The following GRM7 variants were observed in gnomAD, a reference collection of about 807,000 sequenced individuals.
GRM7 encodes the protein glutamate metabotropic receptor 7, also known as metabotropic glutamate receptor 7.
A neutral mutation model predicts 84.5 loss-of-function variants in GRM7; 35 were observed. The observed-to-expected ratio is 0.41, with a 90% CI of 0.32 to 0.55. The LOEUF is 0.55. GRM7 is among the 20% of genes least tolerant of loss of function. The pLI is 0.19. For synonymous variants in GRM7, 487 were observed against 455.1 expected, an observed-to-expected ratio of 1.07 and a Z score of -0.89; for missense variants, 1,003 against 1,194.6, an observed-to-expected ratio of 0.84 and a Z score of 2.36.
intron 7 of GRM7, among the ~76,000 whole-genome samples, chr3:7,464,367 T>C (rs1321250400): frequency 6.6e-6 from 1 of 152,150 alleles, no homozygotes; most frequent in Non-Finnish European, 1.5e-5. Context: ...GTGAGACTTC[T>C]TAAATATACT....
At chr3:7,543,536 G>A (rs909400360) in intron 7 of GRM7, among the ~76,000 whole-genome samples, 3 of 152,218 alleles carry the variant, frequency 2.0e-5, no homozygotes, top group Non-Finnish European at 4.4e-5. Context: ...AATTGCTTTG[G>A]CAGCAATTCT....
chr3:7,335,975 A>G (rs902293453), intron 4 of GRM7, among the ~76,000 whole-genome samples: 4 of 152,074 alleles, frequency 2.6e-5, no homozygotes, highest in Non-Finnish European at 5.9e-5. Flanking sequence ...CAGACATTCA[A>G]AGATGAATTG....
chr3:7,567,300 C>T (rs991727120), intron 7 of GRM7, among the ~76,000 whole-genome samples: 1 of 152,154 alleles, frequency 6.6e-6, no homozygotes, highest in African/African-American at 2.4e-5. Flanking sequence ...TTAGGTGCCC[C>T]ATTCAGACTT....
At chr3:7,731,144 T>C (rs577407432) in intron 9 of GRM7, among the ~76,000 whole-genome samples, 1 of 152,058 alleles carries the variant, frequency 6.6e-6, no homozygotes, top group East Asian at 1.9e-4. Context: ...GAACTGAAAA[T>C]TGATTTCTCA....
chr3:7,735,345 A>G (rs567232281), intron 9 of GRM7, among the ~76,000 whole-genome samples: 1 of 116,832 alleles, frequency 8.6e-6, no homozygotes, highest in South Asian at 2.4e-4. Context: ...TGTACTTCCA[A>G]AAGTATGTTC....
intron 1 of GRM7, among the ~76,000 whole-genome samples, chr3:7,023,719 C>T (rs1695865712): frequency 6.6e-6 from 1 of 152,160 alleles, no homozygotes; most frequent in Non-Finnish European, 1.5e-5. Context: ...TGCCTGTCAT[C>T]ACACAGTGTT....
intron 2 of GRM7, among the ~76,000 whole-genome samples, chr3:7,270,065 T>C (rs1160549069): frequency 1.3e-5 from 2 of 152,246 alleles, no homozygotes; most frequent in Non-Finnish European, 2.9e-5. Flanking sequence ...TCTGACTCAG[T>C]AGATGTTGGA....
chr3:7,134,807 G>A (rs1279654290), intron 1 of GRM7, among the ~76,000 whole-genome samples: 2 of 152,038 alleles, frequency 1.3e-5, no homozygotes, highest in African/African-American at 2.4e-5. Flanking sequence ...CCTATAACAG[G>A]TTGTTGCAAA....
chr3:7,316,454 C>A (rs1700586197), intron 4 of GRM7, among the ~76,000 whole-genome samples: 1 of 151,934 alleles, frequency 6.6e-6, no homozygotes, highest in African/African-American at 2.4e-5. Context: ...CAACAAAAAA[C>A]AAATGAGAGA....
At chr3:7,377,098 A>G (rs1296679969) in intron 4 of GRM7, among the ~76,000 whole-genome samples, 1 of 152,244 alleles carries the variant, frequency 6.6e-6, no homozygotes, top group Non-Finnish European at 1.5e-5. Context: ...CAGATGCACT[A>G]ACTACTTATT....
intron 8 of GRM7, among the ~76,000 whole-genome samples, chr3:7,645,868 T>C (rs1413178749): frequency 6.6e-6 from 1 of 152,212 alleles, no homozygotes; most frequent in African/African-American, 2.4e-5. Flanking sequence ...GGGAGTACAC[T>C]GAGACAGAAC....
At chr3:7,001,377 G>A (rs543313768) in intron 1 of GRM7, among the ~76,000 whole-genome samples, 2 of 152,152 alleles carry the variant, frequency 1.3e-5, no homozygotes, top group African/African-American at 4.8e-5. Context: ...TAAAAATAAA[G>A]GCTATCTGTT....
chr3:7,215,936 T>C (rs566715417), intron 2 of GRM7, among the ~76,000 whole-genome samples: 1 of 152,290 alleles, frequency 6.6e-6, no homozygotes, highest in East Asian at 1.9e-4. Context: ...CAGTCGTCTC[T>C]CTTTGGAAAA....
At chr3:7,469,211 G>T (rs562768233) in intron 7 of GRM7, among the ~76,000 whole-genome samples, 52 of 152,286 alleles carry the variant, frequency 3.4e-4, no homozygotes, top group Non-Finnish European at 1.5e-4. Flanking sequence ...GATGCAACCA[G>T]ACTTCTACCC....
chr3:7,298,955 T>C (rs1480875657), intron 3 of GRM7, 130 bp downstream of exon 3: 1 of 786,170 alleles, frequency 1.3e-6, no homozygotes, highest in Non-Finnish European at 2.1e-6. Flanking sequence ...GCGAAGTCTG[T>C]GCTTGCCTCT....
At chr3:7,212,118 T>C (rs893832407) in intron 2 of GRM7, among the ~76,000 whole-genome samples, 1 of 152,012 alleles carries the variant, frequency 6.6e-6, no homozygotes, top group African/African-American at 2.4e-5. Context: ...CACATTCATA[T>C]GTCAAAAATA....
chr3:7,229,839 C>CT (rs766896334), intron 2 of GRM7, among the ~76,000 whole-genome samples: 28,018 of 72,026 alleles, frequency 0.39, 8,208 homozygotes, highest in African/African-American at 0.58. Flanking sequence ...CTTCCATCTT[C>CT]TTTTTTTTTT....
intron 4 of GRM7, among the ~76,000 whole-genome samples, chr3:7,409,970 G>T (rs1356163998): frequency 1.3e-5 from 2 of 152,112 alleles, no homozygotes; most frequent in African/African-American, 2.4e-5. Flanking sequence ...TCTCATTTCA[G>T]TGAAGTTTTT....
chr3:7,565,690 G>A (rs956513956), intron 7 of GRM7, among the ~76,000 whole-genome samples: 1 of 152,180 alleles, frequency 6.6e-6, no homozygotes, highest in Non-Finnish European at 1.5e-5. Context: ...AGGATGACAT[G>A]ATTAGACCTG....
Sources: gnomAD v4.1 joint callset for allele counts (sites outside exome capture counted in the v4.1 genomes callset) on GRCh38, gnomAD v4.1.1 for gene constraint, MANE v1.5 for transcripts, NCBI Gene and HGNC (gene_info 2026-07-23, HGNC 2026-07-21) for gene names.